TLL2: variants seen among roughly 807,000 people sequenced by gnomAD.
The protein encoded by TLL2 is tolloid like 2.
A neutral mutation model predicts 123.0 loss-of-function variants in TLL2; 106 were observed. That is an observed-to-expected ratio of 0.86 (90% CI 0.74 to 1.01). The LOEUF (loss-of-function observed/expected upper bound fraction) is 1.01. TLL2 is among the 50% of genes least tolerant of loss of function. The probability of loss-of-function intolerance (pLI) is 0.00; values close to 1 mark genes in which losing one functional copy is unlikely to be tolerated. For synonymous variants in TLL2, 494 were observed against 516.8 expected, an observed-to-expected ratio of 0.96 and a Z score of 0.60; for missense variants, 1,332 against 1,336.7, an observed-to-expected ratio of 1.00 and a Z score of 0.06.
chr10:96,482,912 T>C (rs1847324529), intron 1 of TLL2, among the ~76,000 whole-genome samples: 1 of 152,230 alleles, frequency 6.6e-6, no homozygotes, highest in African/African-American at 2.4e-5. Flanking sequence ...TGAGAAAGAA[T>C]TGTTCAGATA....
At position 96,376,765 on chromosome 10, in the gene TLL2, C is replaced by A; in HGVS notation, c.2375G>T (p.Trp792Leu). Residue 792 changes from tryptophan (W) to leucine (L), a missense_variant, in exon 18 of 21, where the codon TGG (tryptophan) becomes TTG (leucine). Transcript: ENST00000357947. Reference sequence around the variant, plus strand: ...CCTCCGGCTGGGGTATTTGTCAGGCCAGTTGGGGCTCGCCAGGGTCCCCTC... The same window carrying A: ...CCTCCGGCTGGGGTATTTGTCAGGCAAGTTGGGGCTCGCCAGGGTCCCCTC... Reference protein sequence around the residue: ...SVEGTLASPNWPDKYPSRREC... With the variant: ...SVEGTLASPNLPDKYPSRREC... The A allele has an allele frequency of 6.3e-7, 1 of 1,597,698 alleles. No homozygotes were observed. Among genetic ancestry groups the A allele is most frequent in the South Asian group, 1.1e-5 (1 of 88,598 alleles).
chr10:96,483,657 T>C (rs1361394949), intron 1 of TLL2, among the ~76,000 whole-genome samples: 2 of 152,166 alleles, frequency 1.3e-5, no homozygotes, highest in African/African-American at 2.4e-5. Flanking sequence ...GTACCATGAC[T>C]GGACAGGACT....
intron 1 of TLL2, among the ~76,000 whole-genome samples, chr10:96,482,257 C>CAAA (rs34832390): frequency 1.1e-5 from 1 of 93,382 alleles, no homozygotes; most frequent in South Asian, 3.6e-4. Flanking sequence ...GACTACGTCT[C>CAAA]AAAAAAAAAA....
Position 96,368,126 on chromosome 10 carries a change from T to C in TLL2, c.3010A>G (p.Ser1004Gly). Reference protein sequence around the residue: ...NKKGFHARYTSTKFQDALHMK... With the variant: ...NKKGFHARYTGTKFQDALHMK... ...TGCAGGGCATCCTGGAACTTGGTGC[T>C]GGTGTATCGGGCATGAAAGCCTTTC... The change falls in exon 21 of 21, where the codon AGC becomes GGC. Residue 1004 changes from serine (S) to glycine (G), a missense_variant. Ser to Gly is a moderately conservative substitution (Grantham distance 56, BLOSUM62 0). Coordinates refer to ENST00000357947, the MANE Select transcript of TLL2 (RefSeq NM_012465.4). 6.2e-7 allele frequency: 1 copy of C among 1,614,236 alleles called. No homozygotes were observed. Among genetic ancestry groups the C allele is most frequent in the South Asian group, 1.1e-5 (1 of 91,088 alleles).
chr10:96,497,944 A>G (rs538114559), intron 1 of TLL2, among the ~76,000 whole-genome samples: 3 of 152,334 alleles, frequency 2.0e-5, no homozygotes, highest in Non-Finnish European at 4.4e-5. Context: ...AATATGACTT[A>G]CTGCTATCTC....
chr10:96,482,451 G>GAAC (rs1427064098), intron 1 of TLL2, among the ~76,000 whole-genome samples: 4 of 152,250 alleles, frequency 2.6e-5, no homozygotes, highest in Admixed American at 2.6e-4. Context: ...TTGAATGGAT[G>GAAC]AACACAACGT....
At chr10:96,498,282 T>C (rs1330364155) in intron 1 of TLL2, among the ~76,000 whole-genome samples, 2 of 152,186 alleles carry the variant, frequency 1.3e-5, no homozygotes, top group African/African-American at 2.4e-5. Context: ...CCAAGAGCTA[T>C]TCAGATGGCC....
intron 1 of TLL2, among the ~76,000 whole-genome samples, chr10:96,491,437 T>C (rs1018660698): frequency 3.4e-5 from 5 of 148,492 alleles, no homozygotes; most frequent in Non-Finnish European, 7.5e-5. Context: ...TCCACGAAAA[T>C]GCCCTCAGCT....
At chr10:96,435,109 G>A (rs1846783280) in intron 3 of TLL2, among the ~76,000 whole-genome samples, 1 of 145,698 alleles carries the variant, frequency 6.9e-6, no homozygotes, top group Non-Finnish European at 1.5e-5. Flanking sequence ...TCGGCTCACT[G>A]CAACCTCTGC....
At chr10:96,472,276 G>A (rs893521592) in intron 2 of TLL2, among the ~76,000 whole-genome samples, 2 of 152,134 alleles carry the variant, frequency 1.3e-5, no homozygotes, top group South Asian at 4.1e-4. Flanking sequence ...TCGAGACATC[G>A]TCCCTTCTGT....
At chr10:96,495,044 T>C (rs1176123139) in intron 1 of TLL2, among the ~76,000 whole-genome samples, 1 of 152,110 alleles carries the variant, frequency 6.6e-6, no homozygotes, top group Non-Finnish European at 1.5e-5. Flanking sequence ...TAGAGAAACA[T>C]AGGGTATTTG....
chr10:96,476,240 A>ATATATATATATATATATATTTTTTTT, intron 2 of TLL2, among the ~76,000 whole-genome samples: 2 of 20,492 alleles, frequency 9.8e-5, no homozygotes, highest in Non-Finnish European at 1.0e-4. Context: ...ATATATATAT[A>ATATATATATATATATATATTTTTTTT]TTTTATTTTT....
chr10:96,372,551 G>GT (rs1387028159), intron 19 of TLL2, among the ~76,000 whole-genome samples: 2 of 152,186 alleles, frequency 1.3e-5, no homozygotes, highest in Non-Finnish European at 2.9e-5. Flanking sequence ...GATAATATAA[G>GT]TTATAAGCAC....
chr10:96,438,771 G>A (rs1000588228), intron 3 of TLL2, among the ~76,000 whole-genome samples: 7 of 152,204 alleles, frequency 4.6e-5, no homozygotes, highest in Non-Finnish European at 1.0e-4. Flanking sequence ...CGACCATTGA[G>A]TATAATGTAA....
intron 2 of TLL2, among the ~76,000 whole-genome samples, chr10:96,465,151 T>G (rs1056273497): frequency 6.6e-6 from 1 of 152,210 alleles, no homozygotes; most frequent in Non-Finnish European, 1.5e-5. Context: ...CCCCCTGTCC[T>G]TGACCTTTGC....
intron 1 of TLL2, among the ~76,000 whole-genome samples, chr10:96,483,386 G>T (rs954791435): frequency 6.6e-6 from 1 of 152,230 alleles, no homozygotes; most frequent in African/African-American, 2.4e-5. Context: ...CATCCTAGGC[G>T]CCTCTTGCAA....
At chr10:96,399,888 C>G (rs1846377485) in intron 10 of TLL2, among the ~76,000 whole-genome samples, 1 of 152,224 alleles carries the variant, frequency 6.6e-6, no homozygotes, top group Non-Finnish European at 1.5e-5. Flanking sequence ...ACGCACCACC[C>G]AAGGGCCATT....
chr10:96,447,915 C>T (rs999555694), intron 2 of TLL2, among the ~76,000 whole-genome samples: 1 of 152,120 alleles, frequency 6.6e-6, no homozygotes, highest in Non-Finnish European at 1.5e-5. Context: ...GTCAGACACC[C>T]GGTGGTCTTC....
At chr10:96,474,193 T>C (rs142404768) in intron 2 of TLL2, among the ~76,000 whole-genome samples, 26 of 152,274 alleles carry the variant, frequency 1.7e-4, no homozygotes, top group African/African-American at 6.0e-4. Context: ...CCCTGAAGAA[T>C]CCTTTCTTGC....
Sources: allele counts gnomAD v4.1 joint callset (sites outside exome capture counted in the v4.1 genomes callset), GRCh38; gene constraint gnomAD v4.1.1; transcripts MANE v1.5; gene names NCBI Gene and HGNC (gene_info 2026-07-23, HGNC 2026-07-21).